CHD8: variants seen among roughly 807,000 people sequenced by gnomAD.
CHD8 encodes chromodomain helicase DNA binding protein 8, also known as ATP-dependent chromatin remodeler CHD8.
CHD8 carries 31 observed loss-of-function variants against 279.2 expected under a neutral mutation model. That is an observed-to-expected ratio of 0.11 (90% CI 0.08 to 0.15). The LOEUF (loss-of-function observed/expected upper bound fraction) is 0.15. Among genes scored for constraint, CHD8 ranks in the 10% least tolerant of loss-of-function variants. CHD8 has a pLI of 1.00. For synonymous variants in CHD8, 1,081 were observed against 1,139.6 expected (o/e 0.95, Z 1.04); for missense variants, 2,146 against 3,230.5 (o/e 0.66, Z 8.14).
intron 9 of CHD8, among the ~76,000 whole-genome samples, chr14:21,413,499 AT>A (rs1179070189): frequency 6.7e-6 from 1 of 149,868 alleles, no homozygotes; most frequent in Non-Finnish European, 1.5e-5. Context: ...CGTTCAAGTG[AT>A]TCTCCTGCTT....
rs1464214094 is a variant in CHD8 at position 21,403,896 on chromosome 14, C to T, written c.3308-233G>A. On this transcript the variant is annotated intron_variant, in intron 16 of 37. Coordinates refer to ENST00000646647, the MANE Select transcript of CHD8 (RefSeq NM_001170629.2). The surrounding 1 kb of genome is among the most constrained non-coding windows in gnomAD (Gnocchi z 4.3). ...GGTGGATCACTTGAGGTCAGGAGTT[C>T]GAGACCAGTCTGGCCAACATGGTGA... Among the ~76,000 whole-genome samples the T allele has an allele frequency of 3.9e-5, 6 of 151,962 alleles. No homozygotes were observed. Among genetic ancestry groups the T allele is most frequent in the Non-Finnish European group, 2.9e-5 (2 of 67,974 alleles).
At position 21,408,250 on chromosome 14, in the gene CHD8, A is replaced by G; in HGVS notation, c.2730+62T>C. 3 of 1,573,412 alleles carry G rather than the reference A, an allele frequency of 1.9e-6. No individual in the cohort carries two copies. In the South Asian group the frequency reaches 3.4e-5, roughly 18 times the overall value. On this transcript the variant is annotated intron_variant, in intron 13 of 37. Transcript: ENST00000646647. The surrounding 1 kb of genome is among the most constrained non-coding windows in gnomAD (Gnocchi z 4.3). ...GTCTTCTATTCATATATAGCCCTTA[A>G]AATACCAGGTACCTTGGCCGACTTT...
At chr14:21,391,383 A>AT (rs1887530007) in intron 36 of CHD8, 80 bp downstream of exon 36, 2 of 1,297,026 alleles carry the variant, frequency 1.5e-6, no homozygotes, top group Non-Finnish European at 2.2e-6. Flanking sequence ...ATGATACAGT[A>AT]TGTCATGCTT....
chr14:21,395,273 T>A (rs979415272), intron 29 of CHD8, 25 bp downstream of exon 29: 17 of 1,585,134 alleles, frequency 1.1e-5, no homozygotes, highest in Non-Finnish European at 1.3e-5. Flanking sequence ...CACACAGAAT[T>A]ATACTAGTTG....
Position 21,385,500 on chromosome 14 carries a change from G to C in CHD8, c.*113C>G. ...TTTTTTTTTTTCCTTTTCACCTCCTGGAGTCCTGGACTTCCCCACATCTCC... is the reference window on the plus strand; with the variant it reads ...TTTTTTTTTTTCCTTTTCACCTCCTCGAGTCCTGGACTTCCCCACATCTCC... On this transcript the variant is annotated 3_prime_UTR_variant, in exon 38 of 38. Coordinates refer to ENST00000646647, the MANE Select transcript of CHD8 (RefSeq NM_001170629.2). 7.3e-7 allele frequency: 1 copy of C among 1,375,466 alleles called. No homozygotes were observed. Among genetic ancestry groups the C allele is most frequent in the Non-Finnish European group, 9.4e-7 (1 of 1,058,214 alleles). The allele number at this position is 1,375,466 out of a possible 1,614,324, so 85.2% of individuals were successfully genotyped here. A position where few individuals can be genotyped will look rare whatever the true frequency, so the allele number is the denominator to read the frequency against.
chr14:21,390,073 A>G (rs1887457897), intron 37 of CHD8, among the ~76,000 whole-genome samples: 1 of 152,076 alleles, frequency 6.6e-6, no homozygotes, highest in African/African-American at 2.4e-5. Context: ...CGTCCCTACT[A>G]AAAATACAAA....
At chr14:21,398,734 T>C (rs1429220087) in intron 26 of CHD8, 1 of 154,716 alleles carries the variant, frequency 6.5e-6, no homozygotes, top group Non-Finnish European at 1.4e-5. Flanking sequence ...AAGGAAATAT[T>C]CTTACCCCCA....
Position 21,403,167 on chromosome 14 carries a change from T to C in CHD8, c.3564A>G (p.Arg1188=), listed in dbSNP as rs758083127. 2.5e-6 allele frequency: 4 copies of C among 1,613,840 alleles called. No individual in the cohort carries two copies. The African/African-American group carries it at 5.3e-5, about 22-fold the overall frequency. ...RIDGRVRGNL[R]QAAIDRFSKP... is the part of the protein sequence containing the mutation. ...TGCTGAAGCGGTCAATGGCAGCCTG[T>C]CGAAGGTTGCCTCTAACTCGCCCAT... The change falls in exon 18 of 38, where the codon CGA becomes CGG. Residue 1188 remains arginine, a synonymous_variant. Coordinates refer to ENST00000646647, the MANE Select transcript of CHD8 (RefSeq NM_001170629.2). This position sits in a 1 kb window ranked among gnomAD's most constrained non-coding sequence, Gnocchi z 4.3.
In CHD8 at chr14:21,420,644, T is replaced by C. The variant is rs184568927; in HGVS notation, c.1717-4737A>G. ...AAAACACACAGTAGAGAAGAGTAGG[T>C]ATGGAATATTAATATTTAGTGGAAG... On this transcript the variant is annotated intron_variant, in intron 5 of 37. Transcript: ENST00000646647. 6.1e-4 allele frequency among the ~76,000 whole-genome samples: 93 copies of C among 152,242 alleles called. 1 individual carries two copies. The highest frequency in any genetic ancestry group is 6.1e-3 in the Admixed American group (93 of 15,292).
rs181249268 is a variant in CHD8 at position 21,444,251 on chromosome 14, T to G, written c.-216+11781A>C. The stretch of plus-strand genomic sequence containing the variant: ...TAAGTCCTAGTAGGTACTTGACAAA[T>G]GTTGTTGGATAAATTGGAAAAAAAA... On this transcript the variant is annotated intron_variant, in intron 1 of 37. Transcript: ENST00000646647. 3.5e-4 allele frequency among the ~76,000 whole-genome samples: 54 copies of G among 152,282 alleles called. 2 individuals are homozygous for G. The highest frequency in any genetic ancestry group is 3.4e-3 in the Middle Eastern group (1 of 294).
chr14:21,434,730 C>T (rs955855181), intron 1 of CHD8, among the ~76,000 whole-genome samples: 1 of 152,130 alleles, frequency 6.6e-6, no homozygotes, highest in Non-Finnish European at 1.5e-5. Context: ...TGACCCAATT[C>T]ATCTCATATT....
chr14:21,411,585 T>C (rs1213773437), intron 10 of CHD8, among the ~76,000 whole-genome samples: 4 of 152,142 alleles, frequency 2.6e-5, no homozygotes, highest in Admixed American at 2.6e-4. Flanking sequence ...CTGTATAAAG[T>C]GTCAGATGTG....
intron 36 of CHD8, 135 bp from the exon 37 acceptor site, chr14:21,391,198 A>T: frequency 2.8e-6 from 2 of 716,610 alleles, no homozygotes; most frequent in Non-Finnish European, 4.6e-6. Context: ...GAAAACTGCC[A>T]TTAAGTGGGA....
At chr14:21,443,755 C>T (rs1382569127) in intron 1 of CHD8, among the ~76,000 whole-genome samples, 3 of 147,818 alleles carry the variant, frequency 2.0e-5, no homozygotes, top group African/African-American at 5.0e-5. Context: ...ACTGGGGAGG[C>T]TGAGGCAGGA....
At chr14:21,437,606 C>T (rs1030353949) in intron 1 of CHD8, among the ~76,000 whole-genome samples, 1 of 152,128 alleles carries the variant, frequency 6.6e-6, no homozygotes, top group African/African-American at 2.4e-5. Flanking sequence ...AGGCCAGCTC[C>T]GCCTCCCTCT....
Position 21,385,491 on chromosome 14 carries a change from TCA to T in CHD8, c.*120_*121del. The T allele has an allele frequency of 1.4e-6, 2 of 1,389,316 alleles. No individual in the cohort carries two copies. The highest frequency in any genetic ancestry group is 9.4e-7 in the Non-Finnish European group (1 of 1,066,866). 86.1% of individuals were successfully genotyped at this position (1,389,316 alleles called of 1,614,324 possible). ...GTACATTTTTTTTTTTTTTTCCTTTTCACCTCCTGGAGTCCTGGACTTCCCCA... is the reference window on the plus strand; with the variant it reads ...GTACATTTTTTTTTTTTTTTCCTTTTCCTCCTGGAGTCCTGGACTTCCCCA... On this transcript the variant is annotated 3_prime_UTR_variant, in exon 38 of 38. Transcript: ENST00000646647.
At chr14:21,447,342 T>C (rs1890150496) in intron 1 of CHD8, among the ~76,000 whole-genome samples, 1 of 151,336 alleles carries the variant, frequency 6.6e-6, no homozygotes, top group Non-Finnish European at 1.5e-5. Context: ...ATTCCAGCTG[T>C]GGCAAGAAGT....
chr14:21,437,695 G>C (rs1889845610), intron 1 of CHD8, among the ~76,000 whole-genome samples: 1 of 152,122 alleles, frequency 6.6e-6, no homozygotes, highest in African/African-American at 2.4e-5. Context: ...AATAAAAGGG[G>C]CCAAATCTTC....
At chr14:21,454,463 A>G (rs1890337034) in intron 1 of CHD8, among the ~76,000 whole-genome samples, 1 of 152,030 alleles carries the variant, frequency 6.6e-6, no homozygotes, top group Non-Finnish European at 1.5e-5. Flanking sequence ...GACTACAGGC[A>G]CGCGTCACCA....
Sources: allele counts gnomAD v4.1 joint callset (sites outside exome capture counted in the v4.1 genomes callset), GRCh38; gene constraint gnomAD v4.1.1; non-coding constraint Gnocchi (gnomAD v3.1); transcripts MANE v1.5; gene names NCBI Gene and HGNC (gene_info 2026-07-23, HGNC 2026-07-21).